Variants in RYR2 observed in about 807,000 individuals in gnomAD.
The protein encoded by RYR2 is cardiac muscle ryanodine receptor-calcium release channel.
Under a neutral mutation model 601.1 loss-of-function variants are expected in RYR2, and 227 were observed. The ratio of observed to expected loss-of-function variants is 0.38; its 90% confidence interval spans 0.34 to 0.42. The LOEUF (loss-of-function observed/expected upper bound fraction) is 0.42. Among genes scored for constraint, RYR2 ranks in the 10% least tolerant of loss-of-function variants. The probability of loss-of-function intolerance (pLI) is 1.00; values close to 1 mark genes in which losing one functional copy is unlikely to be tolerated. For synonymous variants in RYR2, 2,223 were observed against 2,175.1 expected (o/e 1.02, Z -0.61); for missense variants, 4,646 against 6,156.5 (o/e 0.75, Z 8.21).
At chr1:237,770,746 C>A in intron 84 of RYR2, 61 bp from the exon 85 acceptor site, 2 of 1,073,270 alleles carry the variant, frequency 1.9e-6, no homozygotes, top group Non-Finnish European at 2.8e-6. Flanking sequence ...GAGGTGGGGA[C>A]AGAAAGGGAG....
chr1:237,256,327 T>C (rs1159167105), intron 1 of RYR2, among the ~76,000 whole-genome samples: 6 of 152,184 alleles, frequency 3.9e-5, no homozygotes, highest in Admixed American at 2.6e-4. Flanking sequence ...AATTACTCAG[T>C]CTCTGGTATG....
At chr1:237,655,410 C>T (rs3766881) in intron 52 of RYR2, among the ~76,000 whole-genome samples, 94,392 of 151,988 alleles carry the variant, frequency 0.62, 31,417 homozygotes, top group Non-Finnish European at 0.75. Context: ...AAATTTCTCA[C>T]TCTCTAGAAT....
chr1:237,700,534 C>A, intron 65 of RYR2, 67 bp downstream of exon 65: 1 of 754,014 alleles, frequency 1.3e-6, no homozygotes. Flanking sequence ...CAATCAAAAA[C>A]AGTAATAGCC....
At chr1:237,256,050 A>G (rs1572378463) in intron 1 of RYR2, among the ~76,000 whole-genome samples, 1 of 152,208 alleles carries the variant, frequency 6.6e-6, no homozygotes, top group East Asian at 1.9e-4. Flanking sequence ...CTCATCTTGA[A>G]TTGTAGCTCC....
rs185692527 is a variant in RYR2, at chr1:237,746,235, G to T, written c.11145+3886G>T. 1.1e-4 allele frequency among the ~76,000 whole-genome samples: 17 copies of T among 152,162 alleles called. No individual in the cohort carries two copies. The East Asian group carries it at 2.9e-3, about 26-fold the overall frequency. ...TTCACATAAGTTACAAATATGAAAG[G>T]CTACTTGTCAGTTTCAATAATTCTT... is the stretch of plus-strand genomic sequence containing the variant. On this transcript the variant is annotated intron_variant, in intron 80 of 104. Transcript: ENST00000366574.
At chr1:237,100,462 A>C (rs749276096) in intron 1 of RYR2, among the ~76,000 whole-genome samples, 1 of 147,820 alleles carries the variant, frequency 6.8e-6, no homozygotes, top group African/African-American at 2.5e-5. Context: ...TCTCGGCTCA[A>C]TGCAACCTCC....
At chr1:237,657,914 C>G in intron 53 of RYR2, 30 bp from the exon 54 acceptor site, 1 of 1,211,026 alleles carries the variant, frequency 8.3e-7, no homozygotes, top group Non-Finnish European at 1.2e-6. Context: ...CTGTGAAAAT[C>G]AAGCTCTTTT....
At chr1:237,613,989 T>TA (rs1678186551) in intron 36 of RYR2, 50 bp from the exon 37 acceptor site, 1 of 1,534,596 alleles carries the variant, frequency 6.5e-7, no homozygotes, top group South Asian at 1.2e-5. Context: ...ATTCAGATTT[T>TA]AAAAAATCAT....
chr1:237,738,117 G>A (rs1691305934), intron 79 of RYR2, among the ~76,000 whole-genome samples: 1 of 152,134 alleles, frequency 6.6e-6, no homozygotes, highest in South Asian at 2.1e-4. Flanking sequence ...CTTTTGCTTT[G>A]AGTCTTGATA....
At chr1:237,646,038 G>A (rs937116145) in intron 48 of RYR2, among the ~76,000 whole-genome samples, 2 of 151,652 alleles carry the variant, frequency 1.3e-5, no homozygotes, top group East Asian at 2.0e-4. Context: ...CACTATGCCC[G>A]GCTAATTCTT....
rs113678045 is a variant in RYR2, at chr1:237,280,791, T to G, written c.168+10175T>G. On this transcript the variant is annotated intron_variant, in intron 2 of 104. Coordinates refer to ENST00000366574, the MANE Select transcript of RYR2 (RefSeq NM_001035.3). Reference sequence around the variant, plus strand: ...TAATTCTTCTTACTGGTTTTTTTTTTTTTTGTTTTCTGAGATGGAGTCTCA... The same window carrying G: ...TAATTCTTCTTACTGGTTTTTTTTTGTTTTGTTTTCTGAGATGGAGTCTCA... Among the ~76,000 whole-genome samples the G allele has an allele frequency of 2.5e-3, 373 of 151,792 alleles. 2 individuals are homozygous for G. Among genetic ancestry groups the G allele is most frequent in the African/African-American group, 7.4e-3 (306 of 41,428 alleles).
chr1:237,104,199 T>A (rs1262558310), intron 1 of RYR2, among the ~76,000 whole-genome samples: 1 of 152,176 alleles, frequency 6.6e-6, no homozygotes, highest in Non-Finnish European at 1.5e-5. Flanking sequence ...AACGTGCCTG[T>A]CTGTGGCCTG....
chr1:237,235,654 C>G (rs1370877044), intron 1 of RYR2, among the ~76,000 whole-genome samples: 1 of 152,128 alleles, frequency 6.6e-6, no homozygotes, highest in Non-Finnish European at 1.5e-5. Flanking sequence ...ATTGACACCC[C>G]CAGCAGATGT....
At chr1:237,157,781 T>C (rs1675566049) in intron 1 of RYR2, among the ~76,000 whole-genome samples, 2 of 152,102 alleles carry the variant, frequency 1.3e-5, no homozygotes, top group Admixed American at 1.3e-4. Context: ...GGTACAAAAA[T>C]ACAGTTTCAT....
chr1:237,364,837 A>G (rs1279059999), intron 5 of RYR2, among the ~76,000 whole-genome samples: 2 of 152,188 alleles, frequency 1.3e-5, no homozygotes, highest in Non-Finnish European at 2.9e-5. Flanking sequence ...ACAATGGGAA[A>G]TTCTTCCACT....
chr1:237,602,396 G>A (rs138694059), intron 35 of RYR2, among the ~76,000 whole-genome samples: 5 of 152,242 alleles, frequency 3.3e-5, no homozygotes, highest in Non-Finnish European at 7.4e-5. Flanking sequence ...ACTGATAGGT[G>A]AGCTAATGAA....
intron 48 of RYR2, among the ~76,000 whole-genome samples, chr1:237,647,120 A>G (rs1682248961): frequency 6.6e-6 from 1 of 152,188 alleles, no homozygotes; most frequent in Admixed American, 6.5e-5. Context: ...TTGAAATTGA[A>G]TTTTATATAG....
chr1:237,630,587 C>G (rs1573217648), intron 41 of RYR2, among the ~76,000 whole-genome samples: 1 of 152,122 alleles, frequency 6.6e-6, no homozygotes, highest in South Asian at 2.1e-4. Context: ...TCAATTTTCT[C>G]ATAGGCTGTA....
In RYR2 at chr1:237,666,539, A is replaced by G; in HGVS notation, c.8464A>G (p.Ser2822Gly). Residue 2822 changes from serine to glycine, a missense_variant, in exon 57 of 105, where the codon AGT becomes GGT. Ser to Gly is a moderately conservative substitution (Grantham distance 56). Coordinates refer to ENST00000366574, the MANE Select transcript of RYR2 (RefSeq NM_001035.3). ...QVSVDAAHGYSPRAIDMSNVT... is the reference protein window; with the variant it reads ...QVSVDAAHGYGPRAIDMSNVT... ...TTCTGTGGACGCTGCCCATGGTTACAGTCCCCGGGCCATTGACATGAGCAA... is the reference window on the plus strand; with the variant it reads ...TTCTGTGGACGCTGCCCATGGTTACGGTCCCCGGGCCATTGACATGAGCAA... The G allele has an allele frequency of 1.9e-6, 3 of 1,612,614 alleles. No homozygotes were observed. Among genetic ancestry groups the G allele is most frequent in the Non-Finnish European group, 2.5e-6 (3 of 1,179,370 alleles).
Sources: allele counts gnomAD v4.1 joint callset (sites outside exome capture counted in the v4.1 genomes callset), GRCh38; gene constraint gnomAD v4.1.1; transcripts MANE v1.5; gene names NCBI Gene and HGNC (gene_info 2026-07-23, HGNC 2026-07-21).